Variants in GABRA3 observed in about 807,000 individuals in gnomAD.
The protein encoded by GABRA3 is gamma-aminobutyric acid receptor subunit alpha-3.
GABRA3 carries 10 observed loss-of-function variants against 30.1 expected under a neutral mutation model. The observed-to-expected ratio is 0.33, with a 90% CI of 0.20 to 0.56. The LOEUF is 0.56. Ranked by LOEUF, GABRA3 falls within the 20% of genes least tolerant of loss-of-function variation. The pLI, the probability that GABRA3 is intolerant of heterozygous loss-of-function variation, is 0.89. For synonymous variants in GABRA3, 151 were observed against 146.8 expected, an observed-to-expected ratio of 1.03 and a Z score of -0.21; for missense variants, 233 against 392.0, an observed-to-expected ratio of 0.59 and a Z score of 3.42.
chrX:152,242,422 A>G (rs189601097), intron 5 of GABRA3, among the ~76,000 whole-genome samples: 57 of 112,260 alleles, frequency 5.1e-4, no homozygotes, highest in African/African-American at 1.7e-3. Flanking sequence ...ATGGCATTAC[A>G]TCAACCTAAA....
chrX:152,413,767 C>T (rs1930134231), intron 1 of GABRA3, among the ~76,000 whole-genome samples: 1 of 109,038 alleles, frequency 9.2e-6, no homozygotes, highest in Non-Finnish European at 1.9e-5. Context: ...TTATTTAACA[C>T]AATATTAGAA....
chrX:152,307,847 A>G (rs749206832), intron 3 of GABRA3, among the ~76,000 whole-genome samples: 1 of 111,974 alleles, frequency 8.9e-6, no homozygotes, highest in Non-Finnish European at 1.9e-5. Context: ...AGAACCCATG[A>G]CACCCACAGA....
At chrX:152,355,722 T>A (rs990112202) in intron 2 of GABRA3, among the ~76,000 whole-genome samples, 2 of 111,974 alleles carry the variant, frequency 1.8e-5, no homozygotes, top group Admixed American at 1.9e-4. Context: ...ACTTACGTGT[T>A]GACCCATTAT....
intron 3 of GABRA3, among the ~76,000 whole-genome samples, chrX:152,294,441 G>A (rs977711357): frequency 9.9e-5 from 11 of 111,061 alleles, no homozygotes; most frequent in South Asian, 3.8e-4. Flanking sequence ...TTGTGCATGC[G>A]TCACATAGTT....
intron 7 of GABRA3, among the ~76,000 whole-genome samples, chrX:152,206,585 TGG>T (rs1937547290): frequency 9.0e-6 from 1 of 111,606 alleles, no homozygotes; most frequent in Admixed American, 9.4e-5. Context: ...GGTCCCTGTC[TGG>T]CTCTGCCCAC....
At chrX:152,241,177 G>A (rs1174326709) in intron 5 of GABRA3, among the ~76,000 whole-genome samples, 4 of 98,962 alleles carry the variant, frequency 4.0e-5, no homozygotes, top group Non-Finnish European at 8.3e-5. Flanking sequence ...TGGGTTTTCG[G>A]TGTGGATGTC....
At chrX:152,271,174 G>C (rs1474721579) in intron 4 of GABRA3, among the ~76,000 whole-genome samples, 1 of 110,517 alleles carries the variant, frequency 9.0e-6, no homozygotes, top group Non-Finnish European at 1.9e-5. Context: ...TGTTGGCCAA[G>C]CTGGTCTAGA....
intron 3 of GABRA3, among the ~76,000 whole-genome samples, chrX:152,290,284 T>C (rs1939382309): frequency 8.9e-6 from 1 of 112,578 alleles, no homozygotes; most frequent in Non-Finnish European, 1.9e-5. Flanking sequence ...CATTTTTTCA[T>C]GTGTCTGTTG....
rs775195459 is a variant in GABRA3, at chrX:152,265,848, T to C, written c.331-9850A>G. On this transcript the variant is annotated intron_variant, in intron 4 of 9. Transcript: ENST00000370314. The stretch of plus-strand genomic sequence containing the variant: ...AATTCAAAGGATCATTATTGGCTAC[T>C]GAGAGCAACTATTTGCCAATAAATT... Among the ~76,000 whole-genome samples, 5 of 111,373 alleles carry C rather than the reference T, an allele frequency of 4.5e-5. No individual in the cohort carries two copies. In the East Asian group the frequency reaches 1.1e-3, roughly 25 times the overall value.
Position 152,184,049 on chromosome X carries a change from T to C in GABRA3, c.1143+5681A>G, listed in dbSNP as rs1453053811. ...TTCCTTTAATTTATTTTCCTACTTC[T>C]CTATTGAAATTTTTATTTTGGCAAT... On this transcript the variant is annotated intron_variant, in intron 9 of 9. Transcript: ENST00000370314. Among the ~76,000 whole-genome samples the C allele has an allele frequency of 4.5e-5, 5 of 111,393 alleles. 1 individual carries two copies. The Admixed American group carries it at 4.8e-4, about 11-fold the overall frequency.
chrX:152,241,658 T>C (rs773527910), intron 5 of GABRA3, among the ~76,000 whole-genome samples: 2,273 of 109,009 alleles, frequency 0.021, 44 homozygotes, highest in Non-Finnish European at 0.034. Context: ...ATCAGCGAGA[T>C]TCCGTGGGCG....
intron 9 of GABRA3, among the ~76,000 whole-genome samples, chrX:152,185,340 G>C (rs1937238594): frequency 9.0e-6 from 1 of 111,373 alleles, no homozygotes; most frequent in East Asian, 2.8e-4. Flanking sequence ...GAGGAAGACT[G>C]AGATCACTAT....
chrX:152,311,691 T>C (rs1056046288), intron 3 of GABRA3, among the ~76,000 whole-genome samples: 3 of 111,683 alleles, frequency 2.7e-5, no homozygotes, highest in Non-Finnish European at 5.7e-5. Context: ...TCACTGGAAG[T>C]TCTTGCTAGA....
At chrX:152,380,198 A>C (rs2124506645) in intron 1 of GABRA3, among the ~76,000 whole-genome samples, 1 of 111,198 alleles carries the variant, frequency 9.0e-6, no homozygotes, top group South Asian at 3.8e-4. Context: ...AGATCTCAAA[A>C]CCTATTCCTC....
At position 152,215,001 on chromosome X, in the gene GABRA3, T is replaced by C. The variant is rs137907929; in HGVS notation, c.635-6857A>G. On this transcript the variant is annotated intron_variant, in intron 6 of 9. Coordinates refer to ENST00000370314, the MANE Select transcript of GABRA3 (RefSeq NM_000808.4). The stretch of plus-strand genomic sequence containing the variant: ...ATATATGTATACACACACACACACA[T>C]ATATATATACACACACATATATGTA... Among the ~76,000 whole-genome samples the C allele has an allele frequency of 5.6e-3, 600 of 106,386 alleles. 6 individuals are homozygous for C. Among genetic ancestry groups the C allele is most frequent in the African/African-American group, 0.019 (577 of 29,690 alleles). 92.4% of individuals were successfully genotyped at this position (106,386 alleles called of 115,157 possible).
intron 1 of GABRA3, among the ~76,000 whole-genome samples, chrX:152,449,181 A>G (rs1261644642): frequency 8.9e-6 from 1 of 112,239 alleles, no homozygotes; most frequent in Non-Finnish European, 1.9e-5. Flanking sequence ...CCAAAGAACC[A>G]ACGAATATAA....
intron 2 of GABRA3, among the ~76,000 whole-genome samples, chrX:152,355,120 TC>T (rs1403392412): frequency 9.0e-6 from 1 of 110,603 alleles, no homozygotes; most frequent in Non-Finnish European, 1.9e-5. Flanking sequence ...GACAAGCAAC[TC>T]CCCAGCAGTC....
chrX:152,303,549 C>T (rs1261466482), intron 3 of GABRA3, among the ~76,000 whole-genome samples: 1 of 111,876 alleles, frequency 8.9e-6, no homozygotes, highest in Non-Finnish European at 1.9e-5. Flanking sequence ...ATAGCAAGGA[C>T]TTGTAACCAA....
intron 1 of GABRA3, among the ~76,000 whole-genome samples, chrX:152,426,638 T>G (rs1416769583): frequency 8.9e-6 from 1 of 112,053 alleles, no homozygotes; most frequent in Non-Finnish European, 1.9e-5. Context: ...GTACTTTCTC[T>G]GTCACTTCCT....
Sources: gnomAD v4.1 joint callset for allele counts (sites outside exome capture counted in the v4.1 genomes callset) on GRCh38, gnomAD v4.1.1 for gene constraint, MANE v1.5 for transcripts, NCBI Gene and HGNC (gene_info 2026-07-23, HGNC 2026-07-21) for gene names.